The following CSGALNACT1 variants were observed in gnomAD, a reference collection of about 807,000 sequenced individuals.
CSGALNACT1 encodes chondroitin sulfate N-acetylgalactosaminyltransferase 1.
Under a neutral mutation model 51.0 loss-of-function variants are expected in CSGALNACT1, and 52 were observed. That is an observed-to-expected ratio of 1.02 (90% confidence interval 0.82 to 1.29). The LOEUF is 1.29. Among genes scored for constraint, CSGALNACT1 ranks in the 50% most tolerant of loss-of-function variants. CSGALNACT1 has a pLI of 0.00. For synonymous variants in CSGALNACT1, 341 were observed against 254.4 expected (o/e 1.34, Z -3.24); for missense variants, 935 against 679.2 (o/e 1.38, Z -4.19).
chr8:19,752,133 T>C (rs2065072030), intron 1 of CSGALNACT1, among the ~76,000 whole-genome samples: 1 of 57,120 alleles, frequency 1.8e-5, no homozygotes, highest in African/African-American at 8.8e-5. Flanking sequence ...AAATGTTATA[T>C]ATTATATGAT....
At chr8:19,731,623 C>A (rs1462147687) in intron 1 of CSGALNACT1, among the ~76,000 whole-genome samples, 1 of 152,178 alleles carries the variant, frequency 6.6e-6, no homozygotes, top group East Asian at 1.9e-4. Flanking sequence ...CTCCAAACAA[C>A]CGCAATAAAA....
At chr8:19,527,326 A>C (rs750161847) in intron 3 of CSGALNACT1, among the ~76,000 whole-genome samples, 1 of 152,156 alleles carries the variant, frequency 6.6e-6, no homozygotes, top group Non-Finnish European at 1.5e-5. Context: ...GAGGGCCAGG[A>C]ACAGTGGCTC....
intron 3 of CSGALNACT1, among the ~76,000 whole-genome samples, chr8:19,543,960 T>C (rs1588107448): frequency 1.3e-5 from 2 of 152,196 alleles, no homozygotes; most frequent in East Asian, 3.9e-4. Flanking sequence ...ATTAAATTCT[T>C]CCTGATCAGC....
intron 1 of CSGALNACT1, among the ~76,000 whole-genome samples, chr8:19,668,749 C>T (rs186020867): frequency 3.3e-4 from 50 of 152,212 alleles, no homozygotes; most frequent in Middle Eastern, 3.4e-3. Flanking sequence ...GATGGGGTCT[C>T]ACCATGTTGC....
intron 1 of CSGALNACT1, among the ~76,000 whole-genome samples, chr8:19,720,198 A>C (rs188459599): frequency 5.3e-5 from 8 of 152,312 alleles, no homozygotes; most frequent in Non-Finnish European, 1.0e-4. Context: ...GAAACCCCGC[A>C]ATTCATGCCA....
intron 1 of CSGALNACT1, among the ~76,000 whole-genome samples, chr8:19,727,463 A>T (rs2063465424): frequency 6.6e-6 from 1 of 151,594 alleles, no homozygotes; most frequent in African/African-American, 2.4e-5. Flanking sequence ...CATCCTTCCA[A>T]CTCAGCTTCC....
At chr8:19,420,026 C>A (rs1451111464) in intron 7 of CSGALNACT1, among the ~76,000 whole-genome samples, 1 of 152,198 alleles carries the variant, frequency 6.6e-6, no homozygotes, top group African/African-American at 2.4e-5. Context: ...CTTACACACA[C>A]TGTCTCGCCT....
chr8:19,619,250 G>GC (rs199592237), intron 1 of CSGALNACT1, among the ~76,000 whole-genome samples: 19 of 121,080 alleles, frequency 1.6e-4, no homozygotes, highest in Non-Finnish European at 2.8e-4. Context: ...GACAGGGTCG[G>GC]GGGGGGGTGG....
intron 3 of CSGALNACT1, among the ~76,000 whole-genome samples, chr8:19,575,755 T>G (rs954068580): frequency 6.6e-6 from 1 of 152,150 alleles, no homozygotes; most frequent in African/African-American, 2.4e-5. Context: ...ACGGCTTGGA[T>G]TTACTTTAAA....
Position 19,627,037 on chromosome 8 carries a change from C to A in CSGALNACT1, c.-543-25172G>T, listed in dbSNP as rs183865153. On this transcript the variant is annotated intron_variant, in intron 1 of 9. Transcript: ENST00000332246. ...AACTTACAGCTAGCATATGACTCAG[C>A]AGTCATACCCTTGGGTATTTATCCT... Among the ~76,000 whole-genome samples, 325 of 152,312 alleles carry A rather than the reference C, an allele frequency of 2.1e-3. 6 individuals are homozygous for A. In the South Asian group the frequency reaches 0.054, roughly 25 times the overall value.
chr8:19,459,451 C>A (rs2064897224), intron 4 of CSGALNACT1, among the ~76,000 whole-genome samples: 1 of 148,094 alleles, frequency 6.8e-6, no homozygotes. Context: ...CCATAGTAAT[C>A]TATTTGGGAC....
chr8:19,614,013 C>T (rs762345278), intron 1 of CSGALNACT1, among the ~76,000 whole-genome samples: 1 of 152,064 alleles, frequency 6.6e-6, no homozygotes, highest in Non-Finnish European at 1.5e-5. Flanking sequence ...TGGAAAATGC[C>T]GTGTCAAAGT....
At chr8:19,667,258 CAAAAAAA>C (rs928798627) in intron 1 of CSGALNACT1, among the ~76,000 whole-genome samples, 7 of 101,564 alleles carry the variant, frequency 6.9e-5, no homozygotes, top group Admixed American at 3.2e-4. Context: ...CCATCTCTAC[CAAAAAAA>C]AAAAAAAAAA....
chr8:19,420,824 C>A (rs1273452677), intron 6 of CSGALNACT1, among the ~76,000 whole-genome samples: 1 of 152,132 alleles, frequency 6.6e-6, no homozygotes, highest in African/African-American at 2.4e-5. Context: ...AAACTTGAAC[C>A]AGGTAAGACT....
intron 6 of CSGALNACT1, among the ~76,000 whole-genome samples, chr8:19,432,653 G>A (rs1019132180): frequency 2.0e-5 from 3 of 151,752 alleles, no homozygotes; most frequent in Non-Finnish European, 4.4e-5. Flanking sequence ...ATTGCAGTTG[G>A]CTTATCTTGA....
At chr8:19,749,219 T>C (rs568895099) in intron 1 of CSGALNACT1, among the ~76,000 whole-genome samples, 2 of 143,362 alleles carry the variant, frequency 1.4e-5, no homozygotes, top group African/African-American at 5.6e-5. Context: ...CCTTCTGTGT[T>C]TTTTTTTTTT....
At chr8:19,621,300 A>G (rs1760930721) in intron 1 of CSGALNACT1, among the ~76,000 whole-genome samples, 1 of 152,156 alleles carries the variant, frequency 6.6e-6, no homozygotes, top group African/African-American at 2.4e-5. Context: ...CAAATCTTGA[A>G]TTTTGTACAC....
intron 3 of CSGALNACT1, chr8:19,587,938 C>G (rs547956234): frequency 1.3e-5 from 2 of 152,160 alleles, no homozygotes; most frequent in African/African-American, 4.8e-5. Flanking sequence ...CGGCTGTAAT[C>G]CCAGTGCTTT....
chr8:19,676,314 C>G (rs989032135), intron 1 of CSGALNACT1, among the ~76,000 whole-genome samples: 1 of 152,086 alleles, frequency 6.6e-6, no homozygotes, highest in Non-Finnish European at 1.5e-5. Flanking sequence ...TAGCTATGTT[C>G]CATAAGGCAA....
Sources: allele counts gnomAD v4.1 joint callset (sites outside exome capture counted in the v4.1 genomes callset), GRCh38; gene constraint gnomAD v4.1.1; transcripts MANE v1.5; gene names NCBI Gene and HGNC (gene_info 2026-07-23, HGNC 2026-07-21).